Variants in ARHGAP20 observed in about 807,000 individuals in gnomAD.
ARHGAP20 encodes the protein rho GTPase-activating protein 20.
In ARHGAP20, 34 loss-of-function variants were observed where a neutral mutation model predicts 73.7. The observed-to-expected ratio is 0.46, with a 90% CI of 0.35 to 0.61. The LOEUF is 0.61. Among genes scored for constraint, ARHGAP20 ranks in the 20% least tolerant of loss-of-function variants. The probability of loss-of-function intolerance (pLI) is 0.00; values close to 1 mark genes in which losing one functional copy is unlikely to be tolerated. For missense variants in ARHGAP20, 1,314 were observed against 1,420.9 expected, an observed-to-expected ratio of 0.92 and a Z score of 1.21; for synonymous variants, 523 against 518.2, an observed-to-expected ratio of 1.01 and a Z score of -0.13.
intron 2 of ARHGAP20, among the ~76,000 whole-genome samples, chr11:110,657,005 G>T (rs1949481776): frequency 6.6e-6 from 1 of 152,048 alleles, no homozygotes; most frequent in South Asian, 2.1e-4. Flanking sequence ...TTTTTAGAGG[G>T]GCTTGCTACT....
chr11:110,633,641 C>T (rs1167453101), intron 2 of ARHGAP20, among the ~76,000 whole-genome samples: 1 of 152,158 alleles, frequency 6.6e-6, no homozygotes, highest in Non-Finnish European at 1.5e-5. Context: ...GTATTAAATG[C>T]ATTTTCTACT....
chr11:110,633,362 C>T (rs1360822689), intron 2 of ARHGAP20, among the ~76,000 whole-genome samples: 3 of 152,174 alleles, frequency 2.0e-5, no homozygotes, highest in African/African-American at 7.2e-5. Flanking sequence ...TCCAGGCTCT[C>T]TATTCTGTTG....
At chr11:110,698,072 A>C (rs114942831) in intron 1 of ARHGAP20, among the ~76,000 whole-genome samples, 1 of 151,534 alleles carries the variant, frequency 6.6e-6, no homozygotes, top group Non-Finnish European at 1.5e-5. Context: ...ATGTTTTTCC[A>C]TTTGTGTCAT....
chr11:110,691,388 C>T lies in ARHGAP20; in HGVS notation c.106-759G>A, dbSNP rs149204726. ...ATATATAGTCACAAACAGCCATGAG[C>T]GAAGTTCAGGCTGTATTATCAAAGC... On this transcript the variant is annotated intron_variant, in intron 1 of 14. Coordinates refer to ENST00000683387, the MANE Select transcript of ARHGAP20 (RefSeq NM_001384657.1). 6.9e-3 allele frequency among the ~76,000 whole-genome samples: 1,048 copies of T among 152,126 alleles called. 5 individuals carry two copies. The highest frequency in any genetic ancestry group is 9.7e-3 in the Admixed American group (148 of 15,262).
rs1450096362 is a variant in ARHGAP20 at position 110,592,002 on chromosome 11, T to C, written c.1118A>G (p.Asn373Ser). The change falls in exon 10 of 15, where the codon AAT becomes AGT. Residue 373 changes from asparagine (N) to serine (S), a missense_variant. By Grantham distance (46) the Asn-to-Ser change is conservative. This residue lies in a region of ARHGAP20 where 443 missense variants were observed against 466.4 expected (regional missense o/e 0.95). Coordinates refer to ENST00000683387, the MANE Select transcript of ARHGAP20 (RefSeq NM_001384657.1). ...CAAGACAGGTTTGGGCAGATTGTCATTCTCACAAATATTTGGCAGAGAAAT... is the reference window on the plus strand; with the variant it reads ...CAAGACAGGTTTGGGCAGATTGTCACTCTCACAAATATTTGGCAGAGAAAT... ...FGISLPNICE[N>S]DNLPKPVLDM... is the part of the protein sequence containing the mutation. The C allele has an allele frequency of 6.2e-7, 1 of 1,614,120 alleles. No homozygotes were observed. Among genetic ancestry groups the C allele is most frequent in the East Asian group, 2.2e-5 (1 of 44,878 alleles).
chr11:110,683,393 A>G (rs1950072858), intron 2 of ARHGAP20, among the ~76,000 whole-genome samples: 1 of 152,198 alleles, frequency 6.6e-6, no homozygotes, highest in Non-Finnish European at 1.5e-5. Flanking sequence ...CACAAATGCC[A>G]ATGAAAAAGC....
intron 9 of ARHGAP20, among the ~76,000 whole-genome samples, chr11:110,601,598 TA>T (rs1282930934): frequency 6.6e-6 from 1 of 152,204 alleles, no homozygotes; most frequent in Non-Finnish European, 1.5e-5. Context: ...TCCCTTTGGA[TA>T]ACTTGTGAGC....
At position 110,579,222 on chromosome 11, in the gene ARHGAP20, A is replaced by G. The variant is rs1947366927; in HGVS notation, c.*148T>C. Reference sequence around the variant, plus strand: ...AAGTATTTGTCAAGTAGTCTCAATAAAGAGAATTATTTCGTTGTCCTAAGT... The same window carrying G: ...AAGTATTTGTCAAGTAGTCTCAATAGAGAGAATTATTTCGTTGTCCTAAGT... On this transcript the variant is annotated 3_prime_UTR_variant, in exon 15 of 15. Coordinates refer to ENST00000683387, the MANE Select transcript of ARHGAP20 (RefSeq NM_001384657.1). 2 of 1,353,436 alleles carry G rather than the reference A, an allele frequency of 1.5e-6. No homozygotes were observed. Among genetic ancestry groups the G allele is most frequent in the Admixed American group, 2.9e-5 (1 of 34,036 alleles). The allele number at this position is 1,353,436 out of a possible 1,614,324, so 83.8% of individuals were successfully genotyped here.
rs189182991 is a variant in ARHGAP20, at chr11:110,706,105, C to T, written c.105+6022G>A. Among the ~76,000 whole-genome samples, 531 of 152,206 alleles carry T rather than the reference C, an allele frequency of 3.5e-3. 3 individuals are homozygous for T. The highest frequency in any genetic ancestry group is 0.012 in the African/African-American group (498 of 41,534). Reference sequence around the variant, plus strand: ...AGACAGAGAGGGTAGAAATGCCACTCTCCAAAGAATGTATACTCTTTTTTT... The same window carrying T: ...AGACAGAGAGGGTAGAAATGCCACTTTCCAAAGAATGTATACTCTTTTTTT... On this transcript the variant is annotated intron_variant, in intron 1 of 14. Transcript: ENST00000683387.
intron 2 of ARHGAP20, among the ~76,000 whole-genome samples, chr11:110,653,600 C>T (rs995421404): frequency 6.6e-6 from 1 of 151,998 alleles, no homozygotes; most frequent in Non-Finnish European, 1.5e-5. Context: ...GCAGAGAAAT[C>T]GGAATGCTTT....
chr11:110,639,613 C>T (rs1431411244), intron 2 of ARHGAP20, among the ~76,000 whole-genome samples: 1 of 151,942 alleles, frequency 6.6e-6, no homozygotes, highest in Non-Finnish European at 1.5e-5. Context: ...CCCCATTCCC[C>T]CTAGTCCCTG....
chr11:110,680,086 A>G (rs1350395621), intron 2 of ARHGAP20, among the ~76,000 whole-genome samples: 1 of 152,168 alleles, frequency 6.6e-6, no homozygotes, highest in African/African-American at 2.4e-5. Context: ...AAAGATTTAT[A>G]TATTTTTAAT....
intron 1 of ARHGAP20, among the ~76,000 whole-genome samples, chr11:110,704,110 C>A (rs1449702): frequency 0.3 from 46,047 of 151,972 alleles, 7,761 homozygotes; most frequent in African/African-American, 0.47. Context: ...AATCAGACAG[C>A]CATATCAAAT....
chr11:110,625,032 A>ATTTATTT (rs1190642996), intron 3 of ARHGAP20, among the ~76,000 whole-genome samples: 1 of 108,096 alleles, frequency 9.3e-6, no homozygotes, highest in Admixed American at 8.2e-5. Flanking sequence ...TTTTATTTTT[A>ATTTATTT]TTTTTTTTTT....
rs548138169 is a variant in ARHGAP20, at chr11:110,712,344, G to A, written c.-113C>T. 209 of 894,716 alleles carry A rather than the reference G, an allele frequency of 2.3e-4. No homozygotes were observed. In the African/African-American group the frequency reaches 2.9e-3, roughly 12 times the overall value. 55.4% of individuals were successfully genotyped at this position (894,716 alleles called of 1,614,324 possible). A position where few individuals can be genotyped will look rare whatever the true frequency, so the allele number is the denominator to read the frequency against. On this transcript the variant is annotated 5_prime_UTR_variant, in exon 1 of 15. Coordinates refer to ENST00000683387, the MANE Select transcript of ARHGAP20 (RefSeq NM_001384657.1). ...GGCGGAGGCGCGGCTGCCGTGCTCA[G>A]GCAGGGAGCCGAGCTCCGGGTGCTC...
chr11:110,585,812 T>G (rs1035004108), intron 12 of ARHGAP20, among the ~76,000 whole-genome samples: 1 of 152,198 alleles, frequency 6.6e-6, no homozygotes, highest in Non-Finnish European at 1.5e-5. Flanking sequence ...TGCATTGTAA[T>G]TCTTGATTTT....
At chr11:110,654,541 A>C (rs1190073846) in intron 2 of ARHGAP20, among the ~76,000 whole-genome samples, 1 of 152,216 alleles carries the variant, frequency 6.6e-6, no homozygotes, top group Non-Finnish European at 1.5e-5. Context: ...CACGTATTAA[A>C]AGCCAGACAA....
intron 2 of ARHGAP20, among the ~76,000 whole-genome samples, chr11:110,671,610 T>C (rs992178880): frequency 1.3e-5 from 2 of 152,026 alleles, no homozygotes; most frequent in Non-Finnish European, 2.9e-5. Context: ...AAAATCTACA[T>C]TAAAGCTAAT....
At chr11:110,604,703 A>AT (rs1340225622) in intron 9 of ARHGAP20, among the ~76,000 whole-genome samples, 1 of 152,200 alleles carries the variant, frequency 6.6e-6, no homozygotes, top group East Asian at 1.9e-4. Context: ...TTTAGAGTCC[A>AT]AAACCTCAAT....
Sources: gnomAD v4.1 joint callset for allele counts (sites outside exome capture counted in the v4.1 genomes callset) on GRCh38, gnomAD v4.1.1 for gene constraint, gnomAD v4.1.1 regional missense constraint, MANE v1.5 for transcripts, NCBI Gene and HGNC (gene_info 2026-07-23, HGNC 2026-07-21) for gene names.